Variants in ZNF229 observed in about 807,000 individuals in gnomAD.
ZNF229 encodes zinc finger protein 229.
A neutral mutation model predicts 11.8 loss-of-function variants in ZNF229; 10 were observed. The observed-to-expected ratio is 0.85, with a 90% confidence interval of 0.52 to 1.44. ZNF229 has a LOEUF of 1.44. ZNF229 is among the 40% of genes most tolerant of loss of function. ZNF229 has a pLI of 0.00. For missense variants in ZNF229, 1,045 were observed against 1,015.1 expected, an observed-to-expected ratio of 1.03 and a Z score of -0.40; for synonymous variants, 368 against 374.8, an observed-to-expected ratio of 0.98 and a Z score of 0.21.
Position 44,442,958 on chromosome 19 carries a change from A to C in ZNF229, c.-111T>G, listed in dbSNP as rs1971942352. On this transcript the variant is annotated 5_prime_UTR_variant, in exon 3 of 6. Transcript: ENST00000614049. Reference sequence around the variant, plus strand: ...CCTTTTTCATTCCGGAAACTCTCCAAGCTCTGACAAGTTCCTGTCTCCACC... The same window carrying C: ...CCTTTTTCATTCCGGAAACTCTCCACGCTCTGACAAGTTCCTGTCTCCACC... The C allele has an allele frequency of 1.6e-6, 2 of 1,284,308 alleles. No individual in the cohort carries two copies. The highest frequency in any genetic ancestry group is 2.2e-6 in the Non-Finnish European group (2 of 890,936). The allele number at this position is 1,284,308 out of a possible 1,614,324, so 79.6% of individuals were successfully genotyped here. A position where few individuals can be genotyped will look rare whatever the true frequency, so the allele number is the denominator to read the frequency against.
chr19:44,448,489 A>G (rs1269320870), upstream of ZNF229: 1 of 152,178 alleles, frequency 6.6e-6, no homozygotes, highest in East Asian at 1.9e-4. Context: ...CCCACCGGAA[A>G]CGGAAGTAGT....
Position 44,432,487 on chromosome 19 carries a change from C to T in ZNF229, c.94-121G>A, listed in dbSNP as rs1018483713. The T allele has an allele frequency of 2.2e-6, 3 of 1,392,144 alleles. 1 individual carries two copies. In the African/African-American group the frequency reaches 4.6e-5, roughly 22 times the overall value. 86.2% of individuals were successfully genotyped at this position (1,392,144 alleles called of 1,614,324 possible). On this transcript the variant is annotated intron_variant, in intron 4 of 5. Transcript: ENST00000614049. The stretch of plus-strand genomic sequence containing the variant: ...GGATTAAGAAAATGTGGCACATATA[C>T]ACCATGGAATACTATGCAGCCATAA...
intron 4 of ZNF229, 73 bp downstream of exon 4, chr19:44,442,490 T>A: frequency 6.5e-7 from 1 of 1,530,692 alleles, no homozygotes. Context: ...TTTTTCCTTT[T>A]ACCGAGAAGG....
chr19:44,441,728 C>A (rs984073247), intron 4 of ZNF229, among the ~76,000 whole-genome samples: 1 of 152,084 alleles, frequency 6.6e-6, no homozygotes, highest in Non-Finnish European at 1.5e-5. Context: ...ACACATTTGG[C>A]TGTTATGAAT....
rs144593240 is a variant in ZNF229, at chr19:44,444,018, T to A, written c.-177-994A>T. 2.7e-3 allele frequency among the ~76,000 whole-genome samples: 404 copies of A among 152,244 alleles called. 4 individuals are homozygous for A. The highest frequency in any genetic ancestry group is 0.01 in the Middle Eastern group (3 of 294). Reference sequence around the variant, plus strand: ...GTTACCACCTTTCACACGGCCTCCATGGTCAGATCTCTAAGTCATCAAAAT... The same window carrying A: ...GTTACCACCTTTCACACGGCCTCCAAGGTCAGATCTCTAAGTCATCAAAAT... On this transcript the variant is annotated intron_variant, in intron 2 of 5. Transcript: ENST00000614049.
chr19:44,434,146 T>C (rs1971772092), intron 4 of ZNF229, among the ~76,000 whole-genome samples: 1 of 152,162 alleles, frequency 6.6e-6, no homozygotes, highest in Non-Finnish European at 1.5e-5. Context: ...CTCTGACTTG[T>C]AGATTGCCAA....
intron 4 of ZNF229, among the ~76,000 whole-genome samples, chr19:44,440,213 TGAATGAACATCCAA>T (rs927265891): frequency 9.3e-5 from 14 of 150,712 alleles, no homozygotes; most frequent in African/African-American, 3.4e-4. Context: ...CCTAAACAGA[TGAATGAACATCCAA>T]GAAGAAAGAA....
chr19:44,441,093 G>T (rs1022411023), intron 4 of ZNF229, among the ~76,000 whole-genome samples: 1 of 152,040 alleles, frequency 6.6e-6, no homozygotes, highest in Non-Finnish European at 1.5e-5. Flanking sequence ...CAAAAAGACT[G>T]CATCCAAAGT....
chr19:44,442,715 G>A (rs1203756190), intron 3 of ZNF229, 94 bp from the exon 4 acceptor site: 5 of 1,602,450 alleles, frequency 3.1e-6, no homozygotes, highest in Non-Finnish European at 4.3e-6. Flanking sequence ...TTTACAGACT[G>A]GTTTCTTCTC....
chr19:44,446,749 G>A (rs2571162), intron 2 of ZNF229, among the ~76,000 whole-genome samples: 12,280 of 152,246 alleles, frequency 0.081, 692 homozygotes, highest in East Asian at 0.28. Flanking sequence ...GCTTACTTTC[G>A]GGTGGGTTAA....
intron 4 of ZNF229, among the ~76,000 whole-genome samples, chr19:44,442,254 C>T (rs1971924478): frequency 6.6e-6 from 1 of 152,120 alleles, no homozygotes; most frequent in Admixed American, 6.6e-5. Flanking sequence ...TTTGGAGAGT[C>T]ATCTCTCTGC....
Position 44,436,854 on chromosome 19 carries a change from A to G in ZNF229, c.94-4488T>C, listed in dbSNP as rs114975815. Reference sequence around the variant, plus strand: ...GCAGGAGCAGTCAGGTCCATGTGAAATATCAATCAATTGCTGTATTTCCTT... The same window carrying G: ...GCAGGAGCAGTCAGGTCCATGTGAAGTATCAATCAATTGCTGTATTTCCTT... On this transcript the variant is annotated intron_variant, in intron 4 of 5. Coordinates refer to ENST00000614049, the MANE Select transcript of ZNF229 (RefSeq NM_014518.4). Among the ~76,000 whole-genome samples the G allele has an allele frequency of 5.3e-3, 803 of 152,298 alleles. 8 individuals carry two copies. The highest frequency in any genetic ancestry group is 0.018 in the African/African-American group (740 of 41,572).
chr19:44,433,486 G>A (rs776762585), intron 4 of ZNF229, among the ~76,000 whole-genome samples: 3 of 152,132 alleles, frequency 2.0e-5, no homozygotes, highest in South Asian at 2.1e-4. Context: ...ATGACTTGGC[G>A]CTATCTTCAT....
At chr19:44,443,475 G>T (rs1300076460) in intron 2 of ZNF229, among the ~76,000 whole-genome samples, 1 of 152,006 alleles carries the variant, frequency 6.6e-6, no homozygotes, top group Non-Finnish European at 1.5e-5. Context: ...TTGTGCCATG[G>T]CCCCCCTTCA....
rs949520352 is a variant in ZNF229, at chr19:44,426,717, A to G, written c.*1586T>C. The G allele has an allele frequency of 6.6e-6, 1 of 152,316 alleles. No individual in the cohort carries two copies. The allele number at this position is 152,316 out of a possible 1,614,324, so 9.4% of individuals were successfully genotyped here. A position where few individuals can be genotyped will look rare whatever the true frequency, so the allele number is the denominator to read the frequency against. Reference sequence around the variant, plus strand: ...TAAATTTAAAAACTCCACCTTCTGCATGCGTTTTTGCCCAAGTGGGCAACT... The same window carrying G: ...TAAATTTAAAAACTCCACCTTCTGCGTGCGTTTTTGCCCAAGTGGGCAACT... On this transcript the variant is annotated 3_prime_UTR_variant, in exon 6 of 6. Coordinates refer to ENST00000614049, the MANE Select transcript of ZNF229 (RefSeq NM_014518.4).
intron 4 of ZNF229, among the ~76,000 whole-genome samples, chr19:44,440,650 C>G (rs1971892279): frequency 6.6e-6 from 1 of 152,110 alleles, no homozygotes; most frequent in Non-Finnish European, 1.5e-5. Flanking sequence ...AATGACACAA[C>G]CTGTACTGAG....
At chr19:44,430,955 T>C (rs889774200) in intron 5 of ZNF229, among the ~76,000 whole-genome samples, 7 of 152,158 alleles carry the variant, frequency 4.6e-5, no homozygotes, top group African/African-American at 1.7e-4. Context: ...ATTACCTTCA[T>C]TTTCCAATGA....
Position 44,429,406 on chromosome 19 carries a change from T to C in ZNF229, c.1375A>G (p.Lys459Glu). 1 of 1,613,992 alleles carries C rather than the reference T, an allele frequency of 6.2e-7. No homozygotes were observed. The highest frequency in any genetic ancestry group is 8.5e-7 in the Non-Finnish European group (1 of 1,180,012). The part of the protein sequence containing the change: ...HKHQHIHPGE[K>E]PYSCGECGKG... ...CCACACTCGCCACAGCTGTAGGGCT[T>C]TTCTCCAGGGTGAATGTGCTGGTGT... The change falls in exon 6 of 6, where the codon AAG (lysine) becomes GAG (glutamate). Residue 459 changes from lysine (K) to glutamate (E), a missense_variant. Lys to Glu is a moderately conservative substitution (Grantham distance 56). Coordinates refer to ENST00000614049, the MANE Select transcript of ZNF229 (RefSeq NM_014518.4).
intron 4 of ZNF229, among the ~76,000 whole-genome samples, chr19:44,434,852 T>C (rs1349101311): frequency 1.3e-5 from 2 of 152,206 alleles, no homozygotes; most frequent in Non-Finnish European, 2.9e-5. Context: ...TCATCTTAAA[T>C]TGTAGCTCCC....
Sources: gnomAD v4.1 joint callset for allele counts (sites outside exome capture counted in the v4.1 genomes callset) on GRCh38, gnomAD v4.1.1 for gene constraint, MANE v1.5 for transcripts, NCBI Gene and HGNC (gene_info 2026-07-23, HGNC 2026-07-21) for gene names.